HK1: variants seen among roughly 807,000 people sequenced by gnomAD.
HK1 encodes hexokinase 1, also known as hexokinase-1.
A neutral mutation model predicts 91.6 loss-of-function variants in HK1; 28 were observed. The observed-to-expected ratio is 0.31, with a 90% CI of 0.23 to 0.42. The LOEUF is 0.42. Among genes scored for constraint, HK1 ranks in the 10% least tolerant of loss-of-function variants. The probability of loss-of-function intolerance (pLI) is 1.00; values close to 1 mark genes in which losing one functional copy is unlikely to be tolerated. For missense variants in HK1, 770 were observed against 1,219.8 expected (o/e 0.63, Z 5.49); for synonymous variants, 430 against 468.1 (o/e 0.92, Z 1.05).
intron 1 of HK1, among the ~76,000 whole-genome samples, chr10:69,342,536 T>A (rs1383502243): frequency 2.6e-5 from 4 of 152,094 alleles, no homozygotes; most frequent in African/African-American, 9.7e-5. Flanking sequence ...ATGGTAGAGG[T>A]GGTTTGGCCG....
In HK1 at chr10:69,350,416, A is replaced by C. The variant is rs573011918; in HGVS notation, c.226+6427A>C. On this transcript the variant is annotated intron_variant, in intron 2 of 17. Transcript: ENST00000359426. ...TTGCCCGGCAGCGTATAGGACCAGCACTTTGGGAGGCCGAGGTGGGCGGAT... is the reference window on the plus strand; with the variant it reads ...TTGCCCGGCAGCGTATAGGACCAGCCCTTTGGGAGGCCGAGGTGGGCGGAT... Among the ~76,000 whole-genome samples the C allele has an allele frequency of 3.3e-5, 5 of 152,338 alleles. No individual in the cohort carries two copies. The South Asian group carries it at 1.0e-3, about 32-fold the overall frequency.
intron 3 of HK1, among the ~76,000 whole-genome samples, chr10:69,293,936 A>G (rs1327215113): frequency 7.4e-6 from 1 of 134,426 alleles, no homozygotes; most frequent in East Asian, 2.1e-4. Context: ...ATCTCGGCTC[A>G]CTGCAAGCTC....
upstream of HK1, among the ~76,000 whole-genome samples, chr10:69,310,986 G>A (rs1846344602): frequency 1.3e-5 from 2 of 152,050 alleles, no homozygotes; most frequent in Admixed American, 6.6e-5. Context: ...GAACCTGGGA[G>A]GCGGAGGTTG....
chr10:69,342,641 G>A (rs189127693), intron 1 of HK1, among the ~76,000 whole-genome samples: 148 of 152,302 alleles, frequency 9.7e-4, no homozygotes, highest in African/African-American at 3.3e-3. Context: ...GACTTGATTA[G>A]GGTTGCACTT....
intron 5 of HK1, among the ~76,000 whole-genome samples, chr10:69,302,174 G>C (rs1445477810): frequency 6.6e-6 from 1 of 151,522 alleles, no homozygotes; most frequent in African/African-American, 2.4e-5. Flanking sequence ...TTGAACCTGG[G>C]AGGCAGAGGT....
chr10:69,308,501 G>A (rs1409431849), intron 5 of HK1, among the ~76,000 whole-genome samples: 1 of 152,096 alleles, frequency 6.6e-6, no homozygotes, highest in Admixed American at 6.6e-5. Context: ...TGCAGGCACT[G>A]GTAATCAGAA....
rs145636481 is a variant in HK1 at position 69,289,974 on chromosome 10, A to G, written c.-115+1204A>G. Reference sequence around the variant, plus strand: ...TTTGATTCTCCCCCTGGATGTTGAAATAAACCCTGGAAAATGTTTATAGGA... The same window carrying G: ...TTTGATTCTCCCCCTGGATGTTGAAGTAAACCCTGGAAAATGTTTATAGGA... On this transcript the variant is annotated intron_variant, in intron 3 of 21. Transcript: ENST00000360289. Among the ~76,000 whole-genome samples, 142 of 152,180 alleles carry G rather than the reference A, an allele frequency of 9.3e-4. 1 individual carries two copies. The highest frequency in any genetic ancestry group is 3.1e-3 in the African/African-American group (128 of 41,508).
chr10:69,288,639 C>A, intron 2 of HK1: 1 of 1,011,854 alleles, frequency 9.9e-7, no homozygotes, highest in East Asian at 2.4e-5. Context: ...AATCCTCTGA[C>A]CCTGCCTTCT....
intron 2 of HK1, among the ~76,000 whole-genome samples, chr10:69,357,157 G>A (rs1020892586): frequency 6.6e-6 from 1 of 152,136 alleles, no homozygotes; most frequent in Non-Finnish European, 1.5e-5. Flanking sequence ...TTAAACATGG[G>A]TTACTATTTG....
chr10:69,389,351 G>A (rs778911548), intron 14 of HK1, 55 bp downstream of exon 14: 117 of 1,307,972 alleles, frequency 8.9e-5, no homozygotes, highest in African/African-American at 1.5e-4. Flanking sequence ...GGGTTTCCCC[G>A]TTTTGTGGGG....
chr10:69,309,617 C>T (rs1315813326), intron 5 of HK1, among the ~76,000 whole-genome samples: 1 of 145,472 alleles, frequency 6.9e-6, no homozygotes, highest in Non-Finnish European at 1.5e-5. Flanking sequence ...CTGGCTGACA[C>T]GGTGAAACCC....
chr10:69,391,563 G>A (rs1839896951), intron 14 of HK1, among the ~76,000 whole-genome samples: 1 of 152,242 alleles, frequency 6.6e-6, no homozygotes, highest in Admixed American at 6.5e-5. Flanking sequence ...AATCACTTGA[G>A]CCCTGGAGGC....
intron 2 of HK1, among the ~76,000 whole-genome samples, chr10:69,357,491 C>G (rs1292354613): frequency 2.6e-5 from 4 of 152,144 alleles, no homozygotes; most frequent in African/African-American, 9.7e-5. Flanking sequence ...CGCTCTGTTG[C>G]CCAGGCTGGA....
At chr10:69,390,110 C>T in intron 14 of HK1, among the ~76,000 whole-genome samples, 1 of 152,222 alleles carries the variant, frequency 6.6e-6, no homozygotes, top group South Asian at 2.1e-4. Context: ...AGGCTGCCTT[C>T]CAGGTGCCAG....
At chr10:69,276,118 A>AAAAAAATATATATATATATATATAT in intron 1 of HK1, among the ~76,000 whole-genome samples, 4 of 38,272 alleles carry the variant, frequency 1.0e-4, no homozygotes, top group Non-Finnish European at 1.5e-4. Flanking sequence ...AAAAAAAAAA[A>AAAAAAATATATATATATATATATAT]ATACATATAT....
At chr10:69,341,610 G>A (rs536416448) in intron 1 of HK1, among the ~76,000 whole-genome samples, 14 of 152,082 alleles carry the variant, frequency 9.2e-5, no homozygotes, top group African/African-American at 2.9e-4. Context: ...GACTACAGGT[G>A]TGCATCACCA....
At chr10:69,400,867 A>T (rs971158937) in intron 17 of HK1, 124 bp from the exon 18 acceptor site, 4 of 1,030,806 alleles carry the variant, frequency 3.9e-6, no homozygotes, top group Non-Finnish European at 4.6e-6. Context: ...AACCCATCAC[A>T]AAGTCGAAGA....
intron 7 of HK1, among the ~76,000 whole-genome samples, chr10:69,376,683 C>T (rs143732180): frequency 6.6e-6 from 1 of 152,330 alleles, no homozygotes; most frequent in African/African-American, 2.4e-5. Flanking sequence ...TCCCTGCCTG[C>T]TCCTGCCCAT....
intron 14 of HK1, among the ~76,000 whole-genome samples, chr10:69,390,887 T>C (rs768941853): frequency 3.9e-5 from 6 of 152,216 alleles, no homozygotes; most frequent in East Asian, 1.9e-4. Context: ...GGTTAGTTGA[T>C]TGGTTTTTAA....
Sources: allele counts gnomAD v4.1 joint callset (sites outside exome capture counted in the v4.1 genomes callset), GRCh38; gene constraint gnomAD v4.1.1; transcripts MANE v1.5; gene names NCBI Gene and HGNC (gene_info 2026-07-23, HGNC 2026-07-21).